Variants in AFF4 observed in about 807,000 individuals in gnomAD.
AFF4 encodes ALF transcription elongation factor 4.
In AFF4, 13 loss-of-function variants were observed where a neutral mutation model predicts 124.8. The observed-to-expected ratio is 0.10, with a 90% CI of 0.07 to 0.17. The LOEUF is 0.17. Ranked by LOEUF, AFF4 falls within the 10% of genes least tolerant of loss-of-function variation. The pLI is 1.00. For synonymous variants in AFF4, 477 were observed against 496.1 expected, an observed-to-expected ratio of 0.96 and a Z score of 0.51; for missense variants, 1,092 against 1,403.8, an observed-to-expected ratio of 0.78 and a Z score of 3.55.
chr5:132,946,155 A>G lies in AFF4; in HGVS notation c.-4-8962T>C, dbSNP rs139435386. Among the ~76,000 whole-genome samples the G allele has an allele frequency of 7.0e-3, 1,071 of 152,316 alleles. 15 individuals are homozygous for G. The highest frequency in any genetic ancestry group is 0.026 in the South Asian group (124 of 4,828). Reference sequence around the variant, plus strand: ...ATTAGGATGGCTATGATAAAAACAAAAACACAAAATAACACGTGTTGGTGA... The same window carrying G: ...ATTAGGATGGCTATGATAAAAACAAGAACACAAAATAACACGTGTTGGTGA... On this transcript the variant is annotated intron_variant, in intron 1 of 20. Coordinates refer to ENST00000265343, the MANE Select transcript of AFF4 (RefSeq NM_014423.4).
intron 2 of AFF4, among the ~76,000 whole-genome samples, chr5:132,935,355 G>A (rs948527952): frequency 9.9e-5 from 15 of 152,242 alleles, no homozygotes; most frequent in Non-Finnish European, 2.2e-4. Flanking sequence ...GCCAGGTGCA[G>A]TGGCTCACAC....
intron 7 of AFF4, 52 bp from the exon 8 acceptor site, chr5:132,899,693 G>T: frequency 6.8e-7 from 1 of 1,473,854 alleles, no homozygotes; most frequent in Non-Finnish European, 9.4e-7. Flanking sequence ...TACATGGTAT[G>T]CCAGAGTACT....
intron 1 of AFF4, among the ~76,000 whole-genome samples, chr5:132,953,164 A>G (rs1489171462): frequency 2.0e-5 from 1 of 50,768 alleles, no homozygotes; most frequent in South Asian, 4.4e-4. Context: ...TGTCTCTACT[A>G]AAAAAAAAAA....
intron 16 of AFF4, 25 bp downstream of exon 16, chr5:132,887,821 T>A: frequency 6.2e-7 from 1 of 1,610,724 alleles, no homozygotes; most frequent in Non-Finnish European, 8.5e-7. Context: ...TTATTGCCAA[T>A]GATCTGCCAA....
chr5:132,957,944 A>C (rs966543773), intron 1 of AFF4, among the ~76,000 whole-genome samples: 2 of 152,136 alleles, frequency 1.3e-5, no homozygotes, highest in East Asian at 3.8e-4. Context: ...AAAAGAAAAA[A>C]GTATCGATTA....
At chr5:132,942,858 G>A (rs914298868) in intron 1 of AFF4, 33 of 183,734 alleles carry the variant, frequency 1.8e-4, no homozygotes, top group African/African-American at 6.8e-4. Flanking sequence ...TTGGGAGGCC[G>A]AGGCATGAGG....
At chr5:132,928,238 CA>C (rs922359358) in intron 4 of AFF4, among the ~76,000 whole-genome samples, 3 of 149,778 alleles carry the variant, frequency 2.0e-5, no homozygotes, top group African/African-American at 7.4e-5. Flanking sequence ...AAAAAACAAA[CA>C]AAAAAAAACC....
rs756532084 is a variant in AFF4, at chr5:132,888,208, A to T, written c.2733-48T>A. The T allele has an allele frequency of 1.1e-5, 15 of 1,412,164 alleles. No individual in the cohort carries two copies. In the African/African-American group the frequency reaches 1.7e-4, roughly 16 times the overall value. The allele number at this position is 1,412,164 out of a possible 1,614,324, so 87.5% of individuals were successfully genotyped here. ...AAATAGAATAGTAAATATTTTCATA[A>T]TACTAGTTCATTTCAGTATCTAGTA... On this transcript the variant is annotated intron_variant, in intron 14 of 20. Transcript: ENST00000265343.
chr5:132,903,237 C>G (rs934896931), intron 6 of AFF4, among the ~76,000 whole-genome samples: 3 of 150,324 alleles, frequency 2.0e-5, no homozygotes, highest in Non-Finnish European at 3.0e-5. Context: ...TTAACAATGT[C>G]AAATCCCTTT....
intron 5 of AFF4, among the ~76,000 whole-genome samples, chr5:132,918,891 T>TG (rs1014432331): frequency 1.3e-5 from 2 of 149,902 alleles, no homozygotes; most frequent in African/African-American, 4.9e-5. Flanking sequence ...TTTGTTTGTT[T>TG]TTTTTTTTTT....
intron 5 of AFF4, chr5:132,926,248 A>G: frequency 2.1e-6 from 1 of 479,420 alleles, no homozygotes; most frequent in Non-Finnish European, 4.2e-6. Context: ...GATGAAGGGG[A>G]CGGAATTGGG....
intron 7 of AFF4, among the ~76,000 whole-genome samples, chr5:132,899,983 A>G (rs1441819830): frequency 6.6e-6 from 1 of 152,210 alleles, no homozygotes; most frequent in Non-Finnish European, 1.5e-5. Context: ...AAAATTAACA[A>G]AGTCATACCC....
At chr5:132,883,645 G>T in intron 19 of AFF4, 85 bp from the exon 20 acceptor site, 1 of 1,214,332 alleles carries the variant, frequency 8.2e-7, no homozygotes. Flanking sequence ...CTACATGAAA[G>T]CATTTAAAAT....
At chr5:132,883,255 T>C (rs1451248042) in intron 20 of AFF4, 85 bp downstream of exon 20, 1 of 1,249,562 alleles carries the variant, frequency 8.0e-7, no homozygotes, top group East Asian at 2.4e-5. Flanking sequence ...TAAAACTAAA[T>C]ACAGACTAAA....
At chr5:132,920,441 C>G (rs1394347781) in intron 5 of AFF4, among the ~76,000 whole-genome samples, 1 of 151,208 alleles carries the variant, frequency 6.6e-6, no homozygotes, top group Non-Finnish European at 1.5e-5. Flanking sequence ...ACTGCAGCCT[C>G]AACCTCCCAA....
At chr5:132,953,243 G>A (rs1326854739) in intron 1 of AFF4, among the ~76,000 whole-genome samples, 1 of 150,748 alleles carries the variant, frequency 6.6e-6, no homozygotes, top group Non-Finnish European at 1.5e-5. Flanking sequence ...TTTTAATTTC[G>A]ATTTTTTATT....
chr5:132,936,359 T>A (rs1276711455), intron 2 of AFF4, among the ~76,000 whole-genome samples: 1 of 151,900 alleles, frequency 6.6e-6, no homozygotes, highest in Non-Finnish European at 1.5e-5. Context: ...AATATTATAT[T>A]CCTCATAACT....
Position 132,934,783 on chromosome 5 carries a change from G to T in AFF4, c.282C>A (p.Phe94Leu). 1.2e-6 allele frequency: 2 copies of T among 1,614,114 alleles called. No individual in the cohort carries two copies. The highest frequency in any genetic ancestry group is 8.5e-7 in the Non-Finnish European group (1 of 1,180,032). ...PSADEKSNPN[F>L]FEQRHGGSHQ... ...GAGAGCCTCCATGTCTCTGTTCAAA[G>T]AAATTTGGGTTAGATTTTTCATCTG... is the stretch of plus-strand genomic sequence containing the variant. The change falls in exon 3 of 21, where the codon TTC becomes TTA. Residue 94 changes from phenylalanine to leucine, a missense_variant. Physicochemically the swap from Phe to Leu is conservative, Grantham distance 22. Around this residue, in one of 11 missense-constraint regions of AFF4, gnomAD observed 188 missense variants for 203.0 expected, o/e 0.93. Transcript: ENST00000265343.
At chr5:132,937,289 T>A (rs960014940) in intron 1 of AFF4, 96 bp from the exon 2 acceptor site, 1 of 1,395,668 alleles carries the variant, frequency 7.2e-7, no homozygotes, top group African/African-American at 1.4e-5. Flanking sequence ...AATCACAGAT[T>A]CCCTTTTGAC....
Sources: allele counts gnomAD v4.1 joint callset (sites outside exome capture counted in the v4.1 genomes callset), GRCh38; gene constraint gnomAD v4.1.1; regional missense constraint gnomAD v4.1.1; transcripts MANE v1.5; gene names NCBI Gene and HGNC (gene_info 2026-07-23, HGNC 2026-07-21).